TRPM6: variants seen among roughly 807,000 people sequenced by gnomAD.
The protein encoded by TRPM6 is channel kinase 2.
TRPM6 carries 111 observed loss-of-function variants against 247.6 expected under a neutral mutation model. The observed-to-expected ratio is 0.45, with a 90% CI of 0.38 to 0.52. TRPM6 has a LOEUF of 0.52. TRPM6 is among the 20% of genes least tolerant of loss of function. TRPM6 has a pLI of 0.00. For missense variants in TRPM6, 2,126 were observed against 2,421.5 expected (o/e 0.88, Z 2.56); for synonymous variants, 892 against 853.8 (o/e 1.04, Z -0.78).
At chr9:74,859,689 G>A (rs764029600) in intron 1 of TRPM6, among the ~76,000 whole-genome samples, 11 of 151,460 alleles carry the variant, frequency 7.3e-5, no homozygotes, top group Non-Finnish European at 1.6e-4. Context: ...CATGAGAATC[G>A]CTTGAACCTG....
At chr9:74,767,114 T>G (rs1444303812) in intron 25 of TRPM6, among the ~76,000 whole-genome samples, 1 of 152,188 alleles carries the variant, frequency 6.6e-6, no homozygotes, top group Non-Finnish European at 1.5e-5. Flanking sequence ...ACAATTCTCA[T>G]GCTGGGAGGT....
At chr9:74,790,038 G>GT (rs1827851371) in intron 19 of TRPM6, among the ~76,000 whole-genome samples, 1 of 149,976 alleles carries the variant, frequency 6.7e-6, no homozygotes, top group Non-Finnish European at 1.5e-5. Flanking sequence ...GTGTGTGTGG[G>GT]TTCATTCTCA....
At position 74,732,714 on chromosome 9, in the gene TRPM6, A is replaced by G. The variant is rs1426424606; in HGVS notation, c.5799T>C (p.Asp1933=). 1.2e-5 allele frequency: 20 copies of G among 1,609,492 alleles called. No individual in the cohort carries two copies. In the Admixed American group the frequency reaches 2.7e-4, roughly 22 times the overall value. Residue 1933 remains aspartate, a synonymous_variant, in exon 37 of 39, where the codon GAT becomes GAC. Transcript: ENST00000360774. ...DLQGVGENLT[D]PSVIKPEVKQ... ...TGACTTCAGGTTTTATAACAGATGGATCTGTCAAATTTTCTCCAACACCTC... is the reference window on the plus strand; with the variant it reads ...TGACTTCAGGTTTTATAACAGATGGGTCTGTCAAATTTTCTCCAACACCTC...
At chr9:74,849,763 C>T (rs1170007500) in intron 3 of TRPM6, among the ~76,000 whole-genome samples, 1 of 152,190 alleles carries the variant, frequency 6.6e-6, no homozygotes, top group Non-Finnish European at 1.5e-5. Flanking sequence ...AGCGATGTGT[C>T]CTGGAGCAAA....
At chr9:74,761,095 T>G (rs953714958) in intron 27 of TRPM6, among the ~76,000 whole-genome samples, 2 of 152,192 alleles carry the variant, frequency 1.3e-5, no homozygotes, top group Non-Finnish European at 2.9e-5. Flanking sequence ...ATTTCTATTA[T>G]AGCAACACAA....
intron 1 of TRPM6, among the ~76,000 whole-genome samples, chr9:74,884,055 A>T (rs1831449157): frequency 6.6e-6 from 1 of 152,230 alleles, no homozygotes; most frequent in Admixed American, 6.5e-5. Flanking sequence ...AGGCTGAGGC[A>T]GGAGAATCGC....
chr9:74,740,072 T>C (rs1279229879), intron 33 of TRPM6, 63 bp from the exon 34 acceptor site: 3 of 1,560,618 alleles, frequency 1.9e-6, no homozygotes, highest in East Asian at 4.6e-5. Context: ...ATGAATAGTA[T>C]CCTAAATATC....
chr9:74,788,474 T>C (rs1172097733), intron 20 of TRPM6, 140 bp downstream of exon 20: 2 of 983,266 alleles, frequency 2.0e-6, no homozygotes, highest in Admixed American at 1.7e-5. Context: ...TTATGCAGCA[T>C]GTAAGTCAAG....
At chr9:74,787,508 T>C (rs1032437132) in intron 20 of TRPM6, among the ~76,000 whole-genome samples, 2 of 152,162 alleles carry the variant, frequency 1.3e-5, no homozygotes, top group African/African-American at 4.8e-5. Flanking sequence ...TCTCCTGATT[T>C]TCTATAATCT....
intron 9 of TRPM6, among the ~76,000 whole-genome samples, chr9:74,817,804 A>G (rs1018933522): frequency 6.6e-6 from 1 of 152,144 alleles, no homozygotes; most frequent in African/African-American, 2.4e-5. Context: ...AATACATTTC[A>G]TATAGTAGAA....
intron 8 of TRPM6, among the ~76,000 whole-genome samples, 155 bp from the exon 9 acceptor site, chr9:74,820,582 G>A (rs1483783145): frequency 3.3e-5 from 5 of 152,148 alleles, no homozygotes; most frequent in Non-Finnish European, 7.4e-5. Flanking sequence ...ACGGAAGCAG[G>A]AGCTCAAGAA....
rs762407085 is a variant in TRPM6 at position 74,887,785 on chromosome 9, A to G, written c.33+39T>C. The G allele has an allele frequency of 2.5e-6, 4 of 1,614,090 alleles. No individual in the cohort carries two copies. In the East Asian group the frequency reaches 8.9e-5, roughly 36 times the overall value. On this transcript the variant is annotated intron_variant, in intron 1 of 38. Coordinates refer to ENST00000360774, the MANE Select transcript of TRPM6 (RefSeq NM_017662.5). ...GGGCGCAGATCTAGCGAATCGCCTAAGGTCCTTGTTCCCCGCCAGTCGAGC... is the reference window on the plus strand; with the variant it reads ...GGGCGCAGATCTAGCGAATCGCCTAGGGTCCTTGTTCCCCGCCAGTCGAGC...
rs1383024647 is a variant in TRPM6 at position 74,803,791 on chromosome 9, T to C, written c.1731+3A>G. ...TTCAAGTTGAAAAACAAGTAAATGG[T>C]ACCTTGAATTTGTATGGCTGTGCAG... On this transcript the variant is annotated splice_donor_region_variant and intron_variant, in intron 15 of 38. Coordinates refer to ENST00000360774, the MANE Select transcript of TRPM6 (RefSeq NM_017662.5). The C allele has an allele frequency of 1.9e-6, 3 of 1,599,010 alleles. No homozygotes were observed. The highest frequency in any genetic ancestry group is 2.2e-5 in the East Asian group (1 of 44,810).
Position 74,769,770 on chromosome 9 carries a change from AGGAAGGAAGGAAGGAC to A in TRPM6, c.3536+1917_3536+1932del, listed in dbSNP as rs1251055899. 5.2e-5 allele frequency among the ~76,000 whole-genome samples: 6 copies of A among 114,468 alleles called. No homozygotes were observed. The East Asian group carries it at 1.2e-3, about 23-fold the overall frequency. The allele number at this position is 114,468 out of a possible 152,430, so 75.1% of individuals were successfully genotyped here. On this transcript the variant is annotated intron_variant, in intron 25 of 38. Coordinates refer to ENST00000360774, the MANE Select transcript of TRPM6 (RefSeq NM_017662.5). The stretch of plus-strand genomic sequence containing the variant: ...AGACTCCGTTGAAATAAAGGAAGGA[AGGAAGGAAGGAAGGAC>A]GGAAGGAAGGGAGGGAGGGAGGAAG...
intron 14 of TRPM6, among the ~76,000 whole-genome samples, chr9:74,804,311 T>C (rs772660596): frequency 2.6e-5 from 4 of 152,210 alleles, no homozygotes; most frequent in Non-Finnish European, 5.9e-5. Flanking sequence ...CAGAAAGTTA[T>C]GGAATTTCTC....
chr9:74,816,461 C>T lies in TRPM6; in HGVS notation c.1308+208G>A, dbSNP rs894712883. ...TTTCAGCTTCAGGTAGATTGCAGAG[C>T]CAGGAAAAAAAAAAAAAAAAAAAAA... On this transcript the variant is annotated intron_variant, in intron 11 of 38. Coordinates refer to ENST00000360774, the MANE Select transcript of TRPM6 (RefSeq NM_017662.5). 2.6e-4 allele frequency among the ~76,000 whole-genome samples: 29 copies of T among 111,112 alleles called. 1 individual carries two copies. The Admixed American group carries it at 2.7e-3, about 10-fold the overall frequency. 72.9% of individuals were successfully genotyped at this position (111,112 alleles called of 152,430 possible).
intron 1 of TRPM6, among the ~76,000 whole-genome samples, chr9:74,884,536 C>CATACATAG (rs893072651): frequency 1.1e-4 from 17 of 151,996 alleles, no homozygotes; most frequent in African/African-American, 4.1e-4. Flanking sequence ...TACATACATA[C>CATACATAG]ATACATACGT....
chr9:74,752,891 T>A (rs1309694962), intron 28 of TRPM6, among the ~76,000 whole-genome samples: 1 of 152,044 alleles, frequency 6.6e-6, no homozygotes, highest in Non-Finnish European at 1.5e-5. Context: ...GGCGGGTGGA[T>A]CACCCGAGGT....
rs542952316 is a variant in TRPM6, at chr9:74,871,051, A to G, written c.34-12303T>C. Among the ~76,000 whole-genome samples, 8 of 152,346 alleles carry G rather than the reference A, an allele frequency of 5.3e-5. No individual in the cohort carries two copies. The South Asian group carries it at 1.7e-3, about 32-fold the overall frequency. On this transcript the variant is annotated intron_variant, in intron 1 of 38. Coordinates refer to ENST00000360774, the MANE Select transcript of TRPM6 (RefSeq NM_017662.5). ...AAACCCTCTATAACTGTGTGCCTAA[A>G]TTGCCACATAGCAAAAAACAACCAA...
Sources: allele counts gnomAD v4.1 joint callset (sites outside exome capture counted in the v4.1 genomes callset), GRCh38; gene constraint gnomAD v4.1.1; transcripts MANE v1.5; gene names NCBI Gene and HGNC (gene_info 2026-07-23, HGNC 2026-07-21).